The following PLPP3 variants were observed in gnomAD, a reference collection of about 807,000 sequenced individuals.
PLPP3 encodes the protein phospholipid phosphatase 3.
In PLPP3, 6 loss-of-function variants were observed where a neutral mutation model predicts 29.6. That is an observed-to-expected ratio of 0.20 (90% CI 0.11 to 0.40). The LOEUF is 0.40. PLPP3 is among the 10% of genes least tolerant of loss of function. The pLI, the probability that PLPP3 is intolerant of heterozygous loss-of-function variation, is 1.00. For synonymous variants in PLPP3, 152 were observed against 159.7 expected (o/e 0.95, Z 0.36); for missense variants, 308 against 407.7 (o/e 0.76, Z 2.11).
intron 5 of PLPP3, among the ~76,000 whole-genome samples, chr1:56,507,194 TC>T (rs1194824225): frequency 2.0e-5 from 3 of 152,218 alleles, no homozygotes; most frequent in African/African-American, 7.2e-5. Context: ...TGCCTAAGGC[TC>T]TGCAGTTATG....
chr1:56,542,294 C>T (rs754692609), intron 1 of PLPP3, among the ~76,000 whole-genome samples: 3 of 152,164 alleles, frequency 2.0e-5, no homozygotes, highest in African/African-American at 4.8e-5. Context: ...TTGATAAACT[C>T]ATGTGGGAAG....
At chr1:56,568,634 C>G (rs1646177275) in intron 1 of PLPP3, among the ~76,000 whole-genome samples, 1 of 152,096 alleles carries the variant, frequency 6.6e-6, no homozygotes, top group Non-Finnish European at 1.5e-5. Context: ...CTTTCTTTTT[C>G]TTTTCTTTTT....
chr1:56,551,649 G>A (rs956175672), intron 1 of PLPP3, among the ~76,000 whole-genome samples: 3 of 152,136 alleles, frequency 2.0e-5, no homozygotes, highest in Non-Finnish European at 4.4e-5. Flanking sequence ...GAGAGCAAAC[G>A]GCATACGTGA....
At chr1:56,525,878 G>A (rs1238101072) in intron 2 of PLPP3, among the ~76,000 whole-genome samples, 1 of 152,100 alleles carries the variant, frequency 6.6e-6, no homozygotes, top group African/African-American at 2.4e-5. Flanking sequence ...AAGCATCAAG[G>A]CATGAGGTCT....
chr1:56,539,065 C>T (rs1417281783), intron 1 of PLPP3, among the ~76,000 whole-genome samples: 1 of 150,694 alleles, frequency 6.6e-6, no homozygotes, highest in Non-Finnish European at 1.5e-5. Flanking sequence ...TTAAGCACTA[C>T]CACCCATCTT....
intron 2 of PLPP3, among the ~76,000 whole-genome samples, chr1:56,530,432 C>G (rs4532850): frequency 0.5 from 75,169 of 151,644 alleles, 18,792 homozygotes; most frequent in African/African-American, 0.55. Flanking sequence ...GATGTTAGTA[C>G]CATTTCAAAT....
intron 5 of PLPP3, among the ~76,000 whole-genome samples, chr1:56,509,893 G>T (rs982430458): frequency 6.7e-6 from 1 of 150,238 alleles, no homozygotes; most frequent in Non-Finnish European, 1.5e-5. Flanking sequence ...TACCAGCAGA[G>T]AGTAGGTGCT....
At chr1:56,536,086 C>T (rs1226744844) in intron 2 of PLPP3, among the ~76,000 whole-genome samples, 1 of 152,198 alleles carries the variant, frequency 6.6e-6, no homozygotes, top group East Asian at 1.9e-4. Flanking sequence ...TGTGACATTC[C>T]TGTCCCTGTG....
intron 4 of PLPP3, among the ~76,000 whole-genome samples, chr1:56,522,793 T>C (rs899956842): frequency 6.6e-6 from 1 of 152,264 alleles, no homozygotes; most frequent in African/African-American, 2.4e-5. Context: ...CTCTGAGCTA[T>C]GTCTGACCTC....
chr1:56,500,610 G>A (rs1049601835), intron 5 of PLPP3, among the ~76,000 whole-genome samples: 9 of 152,208 alleles, frequency 5.9e-5, no homozygotes, highest in South Asian at 2.1e-4. Flanking sequence ...ATTGAAAAGC[G>A]TCTTGGGACA....
chr1:56,522,956 T>C (rs1488912210), intron 4 of PLPP3, among the ~76,000 whole-genome samples: 1 of 152,074 alleles, frequency 6.6e-6, no homozygotes, highest in African/African-American at 2.4e-5. Flanking sequence ...GTCCAGCAGC[T>C]GGAGGCAAGC....
rs552251522 is a variant in PLPP3, at chr1:56,560,402, T to A, written c.139+18476A>T. 5.2e-4 allele frequency among the ~76,000 whole-genome samples: 79 copies of A among 152,222 alleles called. 2 individuals carry two copies. Among genetic ancestry groups the A allele is most frequent in the Admixed American group, 4.6e-3 (71 of 15,280 alleles). On this transcript the variant is annotated intron_variant, in intron 1 of 5. Coordinates refer to ENST00000371250, the MANE Select transcript of PLPP3 (RefSeq NM_003713.5). ...ATGCTGGGTTAAAATTATGGGAAGG[T>A]TGATTTTATATCAACATAACCTTTT...
chr1:56,508,583 T>C (rs1645719418), intron 5 of PLPP3, among the ~76,000 whole-genome samples: 1 of 152,172 alleles, frequency 6.6e-6, no homozygotes, highest in Non-Finnish European at 1.5e-5. Context: ...ACAGCCATAG[T>C]TGTGAGTAAG....
Position 56,496,446 on chromosome 1 carries a change from G to C in PLPP3, c.*105C>G. On this transcript the variant is annotated 3_prime_UTR_variant, in exon 6 of 6. Coordinates refer to ENST00000371250, the MANE Select transcript of PLPP3 (RefSeq NM_003713.5). The stretch of plus-strand genomic sequence containing the variant: ...TTTTTTCCTTTTTAAAAATCAGTCG[G>C]GCAAAAGTTTTTCCCTACATTCTAC... The C allele has an allele frequency of 7.2e-7, 1 of 1,384,656 alleles. No homozygotes were observed. The highest frequency in any genetic ancestry group is 2.3e-5 in the Admixed American group (1 of 43,910). 85.8% of individuals were successfully genotyped at this position (1,384,656 alleles called of 1,614,324 possible). A position where few individuals can be genotyped will look rare whatever the true frequency, so the allele number is the denominator to read the frequency against.
At chr1:56,543,785 TC>T (rs759496353) in intron 1 of PLPP3, among the ~76,000 whole-genome samples, 30 of 152,310 alleles carry the variant, frequency 2.0e-4, no homozygotes, top group Non-Finnish European at 3.8e-4. Flanking sequence ...CTAGAGGTCT[TC>T]CTTAGCAATT....
intron 4 of PLPP3, among the ~76,000 whole-genome samples, chr1:56,515,958 C>T (rs1347851451): frequency 6.6e-6 from 1 of 152,180 alleles, no homozygotes; most frequent in African/African-American, 2.4e-5. Context: ...CTGTCCGGCA[C>T]AGGACGGGCA....
chr1:56,541,269 G>A (rs1418404594), intron 1 of PLPP3, among the ~76,000 whole-genome samples: 2 of 152,082 alleles, frequency 1.3e-5, no homozygotes, highest in Admixed American at 6.6e-5. Context: ...TTTCAATATT[G>A]TCAGTCACAA....
rs1046288392 is a variant in PLPP3 at position 56,524,188 on chromosome 1, T to C, written c.575+89A>G. 3 of 1,497,972 alleles carry C rather than the reference T, an allele frequency of 2.0e-6. No homozygotes were observed. Among genetic ancestry groups the C allele is most frequent in the Non-Finnish European group, 2.7e-6 (3 of 1,097,132 alleles). The allele number at this position is 1,497,972 out of a possible 1,614,324, so 92.8% of individuals were successfully genotyped here. On this transcript the variant is annotated intron_variant, in intron 3 of 5. Transcript: ENST00000371250. The surrounding 1 kb of genome is among the most constrained non-coding windows in gnomAD (Gnocchi z 4.3). Reference sequence around the variant, plus strand: ...ATAGGAACTATGCCTTATTCACCCATCTAAACCAGGGCCCAGCTAGTAAGT... The same window carrying C: ...ATAGGAACTATGCCTTATTCACCCACCTAAACCAGGGCCCAGCTAGTAAGT...
chr1:56,524,579 T>C lies in PLPP3; in HGVS notation c.298-25A>G, dbSNP rs749692108. 6.3e-7 allele frequency: 1 copy of C among 1,595,784 alleles called. No homozygotes were observed. The highest frequency in any genetic ancestry group is 8.6e-7 in the Non-Finnish European group (1 of 1,165,256). Reference sequence around the variant, plus strand: ...TCTAAAAGGAATCCAACAGGGGAATTAGGCAGTATCAAGATTCATCATCAA... The same window carrying C: ...TCTAAAAGGAATCCAACAGGGGAATCAGGCAGTATCAAGATTCATCATCAA... On this transcript the variant is annotated intron_variant, in intron 2 of 5. Coordinates refer to ENST00000371250, the MANE Select transcript of PLPP3 (RefSeq NM_003713.5). This position sits in a 1 kb window ranked among gnomAD's most constrained non-coding sequence, Gnocchi z 4.3.
Sources: allele counts gnomAD v4.1 joint callset (sites outside exome capture counted in the v4.1 genomes callset), GRCh38; gene constraint gnomAD v4.1.1; non-coding constraint Gnocchi (gnomAD v3.1); transcripts MANE v1.5; gene names NCBI Gene and HGNC (gene_info 2026-07-23, HGNC 2026-07-21).